PTPRD: variants seen among roughly 807,000 people sequenced by gnomAD.
The protein encoded by PTPRD is protein tyrosine phosphatase receptor type D.
PTPRD carries 34 observed loss-of-function variants against 214.5 expected under a neutral mutation model. That is an observed-to-expected ratio of 0.16 (90% CI 0.12 to 0.21). The LOEUF is 0.21. Ranked by LOEUF, PTPRD falls within the 10% of genes least tolerant of loss-of-function variation. The probability of loss-of-function intolerance (pLI) is 1.00; values close to 1 mark genes in which losing one functional copy is unlikely to be tolerated. For synonymous variants in PTPRD, 1,128 were observed against 845.7 expected, an observed-to-expected ratio of 1.33 and a Z score of -5.79; for missense variants, 2,545 against 2,398.7, an observed-to-expected ratio of 1.06 and a Z score of -1.27.
chr9:9,390,786 C>A (rs2065546352), intron 9 of PTPRD, among the ~76,000 whole-genome samples: 1 of 152,124 alleles, frequency 6.6e-6, no homozygotes, highest in Non-Finnish European at 1.5e-5. Context: ...TGCTGTGTGA[C>A]TTTGAAAGAG....
chr9:8,368,676 CTTTTTTTTT>C (rs199556434), intron 39 of PTPRD, among the ~76,000 whole-genome samples: 1 of 117,346 alleles, frequency 8.5e-6, no homozygotes, highest in Non-Finnish European at 1.8e-5. Context: ...CCTTTTAATG[CTTTTTTTTT>C]TTTTTTTTTG....
chr9:9,372,442 C>CT (rs1178033534), intron 9 of PTPRD, among the ~76,000 whole-genome samples: 4 of 151,862 alleles, frequency 2.6e-5, no homozygotes, highest in Admixed American at 2.6e-4. Flanking sequence ...CAACCCCTGT[C>CT]TTTTTTTGTT....
intron 2 of PTPRD, among the ~76,000 whole-genome samples, chr9:10,436,351 A>G (rs959654821): frequency 2.6e-5 from 4 of 151,720 alleles, no homozygotes; most frequent in Non-Finnish European, 5.9e-5. Context: ...AGGATGCTCT[A>G]TTTGCTTCTC....
rs774583181 is a variant in PTPRD, at chr9:8,486,321, G to C, written c.2496C>G (p.Asn832Lys). Residue 832 changes from asparagine (N) to lysine (K), a missense_variant, in exon 28 of 46, where the codon AAC becomes AAG. Physicochemically the swap from Asn to Lys is moderately conservative, Grantham distance 94 (BLOSUM62 0). Transcript: ENST00000381196. Reference sequence around the variant, plus strand: ...TAAGAGCAGTATTCATCTGAGTGTGGTTAATCACAAGCCGAGGTTTCCCTG... The same window carrying C: ...TAAGAGCAGTATTCATCTGAGTGTGCTTAATCACAAGCCGAGGTTTCCCTG... ...AVPGKPRLVINHTQMNTALIQ... is the reference protein window; with the variant it reads ...AVPGKPRLVIKHTQMNTALIQ... 7 of 1,614,138 alleles carry C rather than the reference G, an allele frequency of 4.3e-6. No individual in the cohort carries two copies. In the South Asian group the frequency reaches 5.5e-5, roughly 13 times the overall value.
intron 3 of PTPRD, among the ~76,000 whole-genome samples, chr9:10,217,711 T>G (rs1289582612): frequency 6.6e-6 from 1 of 151,948 alleles, no homozygotes; most frequent in African/African-American, 2.4e-5. Flanking sequence ...AGTCATGATG[T>G]AAGAAATTCA....
At chr9:9,490,178 G>T (rs2095839210) in intron 8 of PTPRD, among the ~76,000 whole-genome samples, 1 of 152,030 alleles carries the variant, frequency 6.6e-6, no homozygotes, top group African/African-American at 2.4e-5. Context: ...CAAAACTCAG[G>T]AAGAAATTAA....
intron 4 of PTPRD, among the ~76,000 whole-genome samples, chr9:9,941,851 A>G (rs574914239): frequency 1.5e-4 from 23 of 152,296 alleles, no homozygotes; most frequent in African/African-American, 5.3e-4. Flanking sequence ...CAAAAGCACT[A>G]CAATTGATTG....
chr9:8,831,319 T>C (rs1188850449), intron 11 of PTPRD, among the ~76,000 whole-genome samples: 1 of 152,208 alleles, frequency 6.6e-6, no homozygotes, highest in African/African-American at 2.4e-5. Context: ...TGTTTAAAGG[T>C]GAGTTGGTTA....
At chr9:8,919,328 G>A (rs960344300) in intron 11 of PTPRD, among the ~76,000 whole-genome samples, 3 of 151,486 alleles carry the variant, frequency 2.0e-5, no homozygotes, top group South Asian at 2.1e-4. Flanking sequence ...GGGGGGTGGA[G>A]GTGCAGTGAG....
chr9:9,245,299 G>C (rs2099972494), intron 9 of PTPRD, among the ~76,000 whole-genome samples: 1 of 151,978 alleles, frequency 6.6e-6, no homozygotes, highest in South Asian at 2.1e-4. Context: ...AAATCATGCT[G>C]CTATGAAGAC....
At chr9:9,148,538 G>A (rs1327088422) in intron 10 of PTPRD, among the ~76,000 whole-genome samples, 1 of 152,092 alleles carries the variant, frequency 6.6e-6, no homozygotes, top group African/African-American at 2.4e-5. Context: ...CCCCCATATG[G>A]CTGACATTTT....
At chr9:9,639,554 T>C (rs984115064) in intron 7 of PTPRD, among the ~76,000 whole-genome samples, 1 of 152,232 alleles carries the variant, frequency 6.6e-6, no homozygotes, top group Non-Finnish European at 1.5e-5. Context: ...TCAGCTATTC[T>C]CTTGCCAGGT....
At chr9:8,388,092 C>T (rs561289721) in intron 37 of PTPRD, among the ~76,000 whole-genome samples, 12 of 152,288 alleles carry the variant, frequency 7.9e-5, no homozygotes, top group African/African-American at 2.9e-4. Context: ...TTTTGCTAAA[C>T]CAACCATTTA....
At chr9:8,967,547 A>G (rs2099205301) in intron 11 of PTPRD, among the ~76,000 whole-genome samples, 1 of 152,146 alleles carries the variant, frequency 6.6e-6, no homozygotes, top group South Asian at 2.1e-4. Context: ...GGAGGCCATT[A>G]TCCTAAGCGA....
Position 8,339,192 on chromosome 9 carries a change from C to T in PTPRD, c.5254-145G>A, listed in dbSNP as rs564820111. 4.8e-6 allele frequency: 4 copies of T among 826,984 alleles called. No homozygotes were observed. The East Asian group carries it at 8.9e-5, about 18-fold the overall frequency. The allele number at this position is 826,984 out of a possible 1,614,324, so 51.2% of individuals were successfully genotyped here. A position where few individuals can be genotyped will look rare whatever the true frequency, so the allele number is the denominator to read the frequency against. ...AAGGCAATTCCAATTGCATATGACT[C>T]ATTTCCTCTTAGAAACCATGAGCTC... On this transcript the variant is annotated intron_variant, in intron 42 of 45. Coordinates refer to ENST00000381196, the MANE Select transcript of PTPRD (RefSeq NM_002839.4).
rs1822193741 is a variant in PTPRD, at chr9:8,316,869, TA to T, written c.*1004del. On this transcript the variant is annotated 3_prime_UTR_variant, in exon 46 of 46. Transcript: ENST00000381196. ...ATGTTTACAATAGCTTTTCTACGTT[TA>T]AAAAAACTAAATCATGGAAGAACTG... The T allele has an allele frequency of 1.7e-5, 4 of 229,582 alleles. No homozygotes were observed. Among genetic ancestry groups the T allele is most frequent in the Non-Finnish European group, 3.4e-5 (4 of 116,444 alleles). The allele number at this position is 229,582 out of a possible 1,614,324, so 14.2% of individuals were successfully genotyped here.
intron 2 of PTPRD, among the ~76,000 whole-genome samples, chr9:10,554,388 C>T (rs2062005747): frequency 6.6e-6 from 1 of 152,088 alleles, no homozygotes; most frequent in Non-Finnish European, 1.5e-5. Flanking sequence ...TTCTTAGCTC[C>T]ATACTTTTTC....
At chr9:8,389,750 C>T (rs1462176546) in intron 36 of PTPRD, among the ~76,000 whole-genome samples, 3 of 152,138 alleles carry the variant, frequency 2.0e-5, no homozygotes, top group Non-Finnish European at 2.9e-5. Context: ...TAACATTCCT[C>T]ACCCATGTGC....
intron 2 of PTPRD, among the ~76,000 whole-genome samples, chr9:10,429,852 T>G (rs567723174): frequency 1.3e-5 from 2 of 152,048 alleles, no homozygotes; most frequent in South Asian, 4.2e-4. Flanking sequence ...AGGAAGTAAG[T>G]AGGGCATTGT....
Sources: allele counts gnomAD v4.1 joint callset (sites outside exome capture counted in the v4.1 genomes callset), GRCh38; gene constraint gnomAD v4.1.1; transcripts MANE v1.5; gene names NCBI Gene and HGNC (gene_info 2026-07-23, HGNC 2026-07-21).